The following DPP10 variants were observed in gnomAD, a reference collection of about 807,000 sequenced individuals.
The protein encoded by DPP10 is inactive dipeptidyl peptidase 10.
Under a neutral mutation model 120.9 loss-of-function variants are expected in DPP10, and 33 were observed. The ratio of observed to expected loss-of-function variants is 0.27; its 90% CI spans 0.21 to 0.37. DPP10 has a LOEUF of 0.37. Among genes scored for constraint, DPP10 ranks in the 10% least tolerant of loss-of-function variants. The probability of loss-of-function intolerance (pLI) is 1.00; values close to 1 mark genes in which losing one functional copy is unlikely to be tolerated. For synonymous variants in DPP10, 337 were observed against 326.1 expected, an observed-to-expected ratio of 1.03 and a Z score of -0.36; for missense variants, 816 against 942.8, an observed-to-expected ratio of 0.87 and a Z score of 1.76.
rs1706363092 is a variant in DPP10 at position 115,061,113 on chromosome 2, G to A, written c.61-248126G>A. Among the ~76,000 whole-genome samples, 3 of 152,120 alleles carry A rather than the reference G, an allele frequency of 2.0e-5. No individual in the cohort carries two copies. The South Asian group carries it at 6.2e-4, about 31-fold the overall frequency. Reference sequence around the variant, plus strand: ...TCCCCTGCCCACACTGCAGCTAAAAGCTATGAATTACCACAATAAACAATA... The same window carrying A: ...TCCCCTGCCCACACTGCAGCTAAAAACTATGAATTACCACAATAAACAATA... On this transcript the variant is annotated intron_variant, in intron 1 of 25. Transcript: ENST00000410059.
At chr2:115,609,349 G>T (rs2149245832) in intron 5 of DPP10, among the ~76,000 whole-genome samples, 1 of 152,094 alleles carries the variant, frequency 6.6e-6, no homozygotes, top group African/African-American at 2.4e-5. Flanking sequence ...GGAAAAAAAA[G>T]GATGAAAATC....
At chr2:114,987,496 T>C (rs909119713) in intron 1 of DPP10, among the ~76,000 whole-genome samples, 13 of 152,188 alleles carry the variant, frequency 8.5e-5, no homozygotes, top group African/African-American at 3.1e-4. Flanking sequence ...TGTCATCTCC[T>C]TTCTTCTCTT....
chr2:114,498,631 C>T (rs1682885738), intron 1 of DPP10, among the ~76,000 whole-genome samples: 1 of 152,116 alleles, frequency 6.6e-6, no homozygotes, highest in African/African-American at 2.4e-5. Context: ...AGCAACTGAG[C>T]ATGTGAGACA....
intron 1 of DPP10, among the ~76,000 whole-genome samples, chr2:114,709,391 T>G (rs1199266935): frequency 6.6e-6 from 1 of 152,238 alleles, no homozygotes. Flanking sequence ...TGACTCATTT[T>G]TGGCTTGTCA....
At chr2:115,086,154 C>T (rs1189721011) in intron 1 of DPP10, among the ~76,000 whole-genome samples, 3 of 152,260 alleles carry the variant, frequency 2.0e-5, no homozygotes, top group East Asian at 1.9e-4. Context: ...TTCTTTCAGG[C>T]CCTCCCAATT....
At chr2:115,732,319 G>A (rs1340816784) in intron 8 of DPP10, among the ~76,000 whole-genome samples, 1 of 152,100 alleles carries the variant, frequency 6.6e-6, no homozygotes, top group Non-Finnish European at 1.5e-5. Context: ...TTAAGACCAG[G>A]CCAATCTGTA....
intron 1 of DPP10, among the ~76,000 whole-genome samples, chr2:115,009,716 G>T (rs1463031635): frequency 6.6e-6 from 1 of 152,102 alleles, no homozygotes; most frequent in African/African-American, 2.4e-5. Context: ...CAAGGTGTGT[G>T]TATACCTATG....
intron 1 of DPP10, among the ~76,000 whole-genome samples, chr2:115,220,531 G>A (rs1005898203): frequency 2.0e-5 from 3 of 152,096 alleles, no homozygotes; most frequent in African/African-American, 4.8e-5. Flanking sequence ...GGGCAACAGA[G>A]TGAGACCCCC....
chr2:114,901,287 T>C (rs1466290087), intron 1 of DPP10, among the ~76,000 whole-genome samples: 1 of 152,182 alleles, frequency 6.6e-6, no homozygotes. Flanking sequence ...AAGCTCCACC[T>C]CCTGGGTTCA....
intron 1 of DPP10, among the ~76,000 whole-genome samples, chr2:114,959,825 T>C (rs1418906774): frequency 6.6e-6 from 1 of 152,254 alleles, no homozygotes; most frequent in Admixed American, 6.5e-5. Context: ...ACTAGTAATG[T>C]CAAATAGCTT....
intron 1 of DPP10, among the ~76,000 whole-genome samples, chr2:114,590,548 CTA>C (rs1691378234): frequency 6.6e-6 from 1 of 152,162 alleles, no homozygotes; most frequent in South Asian, 2.1e-4. Flanking sequence ...TTTCTTAAGT[CTA>C]TACTAACAAT....
intron 1 of DPP10, among the ~76,000 whole-genome samples, chr2:115,018,646 G>T (rs1002013866): frequency 2.0e-5 from 3 of 152,078 alleles, no homozygotes; most frequent in Non-Finnish European, 2.9e-5. Context: ...TCACTCATAA[G>T]TAGGAGCTGA....
At chr2:115,377,580 T>C (rs1330135341) in intron 3 of DPP10, among the ~76,000 whole-genome samples, 3 of 152,130 alleles carry the variant, frequency 2.0e-5, no homozygotes, top group East Asian at 1.9e-4. Flanking sequence ...GTCAATTTTG[T>C]CTTTTGTTGC....
chr2:114,567,972 A>G (rs1689330585), intron 1 of DPP10, among the ~76,000 whole-genome samples: 1 of 151,388 alleles, frequency 6.6e-6, no homozygotes, highest in African/African-American at 2.4e-5. Context: ...ACAGATGCTT[A>G]CCTATGTAAC....
chr2:114,649,439 C>T (rs181904496), intron 1 of DPP10, among the ~76,000 whole-genome samples: 2 of 151,878 alleles, frequency 1.3e-5, no homozygotes, highest in Admixed American at 1.3e-4. Context: ...ACCTCCGCCT[C>T]CCGGGTTCAC....
At chr2:115,212,521 T>C (rs1232520425) in intron 1 of DPP10, among the ~76,000 whole-genome samples, 1 of 152,182 alleles carries the variant, frequency 6.6e-6, no homozygotes, top group African/African-American at 2.4e-5. Flanking sequence ...AGAGTTACTC[T>C]TTTAGCGTAT....
At chr2:115,355,856 A>G (rs1214736027) in intron 3 of DPP10, among the ~76,000 whole-genome samples, 1 of 152,200 alleles carries the variant, frequency 6.6e-6, no homozygotes, top group African/African-American at 2.4e-5. Flanking sequence ...GTAAAAGATC[A>G]GATGGCTGTA....
At chr2:114,506,218 G>A (rs1011263929) in intron 1 of DPP10, among the ~76,000 whole-genome samples, 6 of 152,194 alleles carry the variant, frequency 3.9e-5, no homozygotes, top group African/African-American at 1.4e-4. Flanking sequence ...AACTCAGCCA[G>A]CAGAGAGGAG....
intron 1 of DPP10, among the ~76,000 whole-genome samples, chr2:114,501,823 G>A (rs1683209190): frequency 6.6e-6 from 1 of 151,700 alleles, no homozygotes; most frequent in African/African-American, 2.4e-5. Context: ...TACGTATTCA[G>A]TCCTAAAGCA....
Sources: gnomAD v4.1 joint callset for allele counts (sites outside exome capture counted in the v4.1 genomes callset) on GRCh38, gnomAD v4.1.1 for gene constraint, MANE v1.5 for transcripts, NCBI Gene and HGNC (gene_info 2026-07-23, HGNC 2026-07-21) for gene names.